The following ECE2 variants were observed in gnomAD, a reference collection of about 807,000 sequenced individuals.
The protein encoded by ECE2 is endothelin-converting enzyme 2.
A neutral mutation model predicts 100.6 loss-of-function variants in ECE2; 81 were observed. The ratio of observed to expected loss-of-function variants is 0.81; its 90% CI spans 0.67 to 0.97. The LOEUF (loss-of-function observed/expected upper bound fraction) is 0.97. Ranked by LOEUF, ECE2 falls within the 50% of genes least tolerant of loss-of-function variation. The probability of loss-of-function intolerance (pLI) is 0.00; values close to 1 mark genes in which losing one functional copy is unlikely to be tolerated. For synonymous variants in ECE2, 391 were observed against 391.5 expected (o/e 1.00, Z 0.02); for missense variants, 911 against 988.1 (o/e 0.92, Z 1.05).
rs1327310686 is a variant in ECE2 at position 184,292,332 on chromosome 3, C to G, written c.*94C>G. 1.4e-6 allele frequency: 2 copies of G among 1,478,452 alleles called. No homozygotes were observed. The highest frequency in any genetic ancestry group is 1.9e-6 in the Non-Finnish European group (2 of 1,079,514). 91.6% of individuals were successfully genotyped at this position (1,478,452 alleles called of 1,614,324 possible). A position where few individuals can be genotyped will look rare whatever the true frequency, so the allele number is the denominator to read the frequency against. ...CTCTTGGGTTGGGAGGAAGCAAATG[C>G]AAGCTGGGCTGGGTCTAGTCCCTCC... On this transcript the variant is annotated 3_prime_UTR_variant, in exon 19 of 19. Transcript: ENST00000404464.
At position 184,289,663 on chromosome 3, in the gene ECE2, T is replaced by C. The variant is rs755844424; in HGVS notation, c.1496T>C (p.Ile499Thr). ...CAGGCAGATGCCATCTATGATATGA[T>C]TGGTTTCCCAGACTTTATCCTGGAG... Reference protein sequence around the residue: ...KEKADAIYDMIGFPDFILEPK... With the variant: ...KEKADAIYDMTGFPDFILEPK... Residue 499 changes from isoleucine to threonine, a missense_variant, in exon 13 of 19, where the codon ATT becomes ACT. Transcript: ENST00000404464. This position sits in a 1 kb window ranked among gnomAD's most constrained non-coding sequence, Gnocchi z 4.1. The C allele has an allele frequency of 6.2e-7, 1 of 1,613,764 alleles. No individual in the cohort carries two copies. The highest frequency in any genetic ancestry group is 2.2e-5 in the East Asian group (1 of 44,884).
Position 184,276,982 on chromosome 3 carries a change from C to T in ECE2, c.217C>T (p.Leu73=), listed in dbSNP as rs1259612421. 6.2e-6 allele frequency: 10 copies of T among 1,614,016 alleles called. No individual in the cohort carries two copies. The highest frequency in any genetic ancestry group is 8.5e-6 in the Non-Finnish European group (10 of 1,180,018). ...LAGASLLLAA[L]LLGCLVALGV... is the part of the protein sequence containing the mutation. Reference sequence around the variant, plus strand: ...AGGTGCCTCTCTACTGCTGGCTGCACTGCTTCTGGGCTGCCTTGTGGCCCT... The same window carrying T: ...AGGTGCCTCTCTACTGCTGGCTGCATTGCTTCTGGGCTGCCTTGTGGCCCT... Residue 73 remains leucine, a synonymous_variant, in exon 3 of 19, where the codon CTG becomes TTG. Transcript: ENST00000404464.
rs779888079 is a variant in ECE2, at chr3:184,278,035, G to A, written c.589G>A (p.Asp197Asn). 1.9e-6 allele frequency: 3 copies of A among 1,614,056 alleles called. No homozygotes were observed. Among genetic ancestry groups the A allele is most frequent in the South Asian group, 1.1e-5 (1 of 91,082 alleles). Residue 197 changes from aspartate to asparagine, a missense_variant, in exon 5 of 19, where the codon GAC becomes AAC. Coordinates refer to ENST00000404464, the MANE Select transcript of ECE2 (RefSeq NM_001100121.2). ...IEELGAQPLRDLIEKIGGWNI... is the reference protein window; with the variant it reads ...IEELGAQPLRNLIEKIGGWNI... ...GGAGCTGGGAGCCCAGCCACTGAGA[G>A]ACCTCATTGAGAAGGTAGGGCCACT... is the stretch of plus-strand genomic sequence containing the variant.
At chr3:184,287,169 G>C (rs933530411) in intron 10 of ECE2, among the ~76,000 whole-genome samples, 1 of 151,892 alleles carries the variant, frequency 6.6e-6, no homozygotes, top group African/African-American at 2.4e-5. Flanking sequence ...TCAGCTACTC[G>C]GGAGGCTGAG....
At position 184,277,264 on chromosome 3, in the gene ECE2, C is replaced by T. The variant is rs142701556; in HGVS notation, c.276C>T (p.Ser92=). The change falls in exon 4 of 19, where the codon AGC becomes AGT. Residue 92 remains serine, a synonymous_variant. Coordinates refer to ENST00000404464, the MANE Select transcript of ECE2 (RefSeq NM_001100121.2). ...TCCCTACCACAGACCCATCCCACAG[C>T]ACCTGCCTTACAGAGGCCTGCATTC... is the stretch of plus-strand genomic sequence containing the variant. The part of the protein sequence containing the change: ...GVQYHRDPSH[S]TCLTEACIRV... 11 of 1,614,164 alleles carry T rather than the reference C, an allele frequency of 6.8e-6. No individual in the cohort carries two copies. The highest frequency in any genetic ancestry group is 9.3e-6 in the Non-Finnish European group (11 of 1,180,060).
At chr3:184,278,611 C>A in intron 7 of ECE2, 54 bp downstream of exon 7, 1 of 1,593,498 alleles carries the variant, frequency 6.3e-7, no homozygotes, top group South Asian at 1.1e-5. Flanking sequence ...CTGGGCTGAT[C>A]CCTGTTGACT....
intron 7 of ECE2, among the ~76,000 whole-genome samples, chr3:184,282,659 G>C (rs1162147427): frequency 6.6e-6 from 1 of 152,188 alleles, no homozygotes; most frequent in Non-Finnish European, 1.5e-5. Context: ...CTGGACCCGA[G>C]CAGGGCCAGG....
Position 184,276,965 on chromosome 3 carries a change from C to G in ECE2, c.200C>G (p.Ser67Cys). 2 of 1,614,176 alleles carry G rather than the reference C, an allele frequency of 1.2e-6. No homozygotes were observed. Among genetic ancestry groups the G allele is most frequent in the South Asian group, 1.1e-5 (1 of 91,084 alleles). The change falls in exon 3 of 19, where the codon TCT (serine) becomes TGT (cysteine). Residue 67 changes from serine to cysteine, a missense_variant. Coordinates refer to ENST00000404464, the MANE Select transcript of ECE2 (RefSeq NM_001100121.2). ...TQLELVLAGA[S>C]LLLAALLLGC... ...CTGGAGCTGGTCTTAGCAGGTGCCT[C>G]TCTACTGCTGGCTGCACTGCTTCTG...
Position 184,290,606 on chromosome 3 carries a change from A to T in ECE2, c.1705A>T (p.Asn569Tyr), listed in dbSNP as rs757291429. The stretch of plus-strand genomic sequence containing the variant: ...GAATGCCTACTACCTTCCAACTAAG[A>T]ATGAGATCGTCTTCCCCGCTGGCAT... ...TVNAYYLPTK[N>Y]EIVFPAGILQ... The change falls in exon 15 of 19, where the codon AAT (asparagine) becomes TAT (tyrosine). Residue 569 changes from asparagine (N) to tyrosine (Y), a missense_variant. Transcript: ENST00000404464. 6.2e-7 allele frequency: 1 copy of T among 1,614,074 alleles called. No individual in the cohort carries two copies. Among genetic ancestry groups the T allele is most frequent in the Non-Finnish European group, 8.5e-7 (1 of 1,180,008 alleles).
At position 184,291,206 on chromosome 3, in the gene ECE2, C is replaced by CG. The variant is rs763657204; in HGVS notation, c.2007dup (p.Leu670AlafsTer74). 6.8e-6 allele frequency: 11 copies of CG among 1,612,624 alleles called. No individual in the cohort carries two copies. Among genetic ancestry groups the CG allele is most frequent in the African/African-American group, 1.3e-5 (1 of 74,910 alleles). ...CGCTGGGGGAGAACATTGCTGACAA[C>CG]GGGGGGCTGAAGGCTGCCTACAATG... is the stretch of plus-strand genomic sequence containing the variant. On this transcript the variant is annotated frameshift_variant, in exon 17 of 19. Coordinates refer to ENST00000404464, the MANE Select transcript of ECE2 (RefSeq NM_001100121.2). LOFTEE classifies it high-confidence loss of function. This position sits in a 1 kb window ranked among gnomAD's most constrained non-coding sequence, Gnocchi z 4.1.
At chr3:184,290,103 T>C in intron 13 of ECE2, 152 bp from the exon 14 acceptor site, 1 of 653,428 alleles carries the variant, frequency 1.5e-6, no homozygotes, top group Non-Finnish European at 2.7e-6. Flanking sequence ...ATAACATAAA[T>C]GGCCTTTAAA....
At chr3:184,284,105 C>A in intron 8 of ECE2, 132 bp downstream of exon 8, 3 of 1,109,520 alleles carry the variant, frequency 2.7e-6, no homozygotes, top group African/African-American at 1.6e-5. Context: ...TGCTCCCCAG[C>A]TGCACTGCTG....
intron 7 of ECE2, among the ~76,000 whole-genome samples, chr3:184,282,748 C>T (rs1451721589): frequency 2.6e-5 from 4 of 152,154 alleles, no homozygotes; most frequent in Admixed American, 6.5e-5. Flanking sequence ...GAAGTCAAGC[C>T]GTGTCATCTT....
intron 6 of ECE2, 56 bp from the exon 7 acceptor site, chr3:184,278,436 T>G (rs1422444268): frequency 3.1e-6 from 5 of 1,601,110 alleles, no homozygotes; most frequent in South Asian, 2.2e-5. Context: ...GCTCGGGAAT[T>G]CAGGTTCCCA....
chr3:184,285,815 G>A (rs1721015003), intron 10 of ECE2, among the ~76,000 whole-genome samples: 1 of 152,174 alleles, frequency 6.6e-6, no homozygotes, highest in African/African-American at 2.4e-5. Flanking sequence ...TTCCTGCTCT[G>A]TAAAGCAGGA....
At position 184,291,408 on chromosome 3, in the gene ECE2, A is replaced by G. The variant is rs1721310654; in HGVS notation, c.2090A>G (p.Asn697Ser). Reference protein sequence around the residue: ...EQQLPAVGLTNHQLFFVGFAQ... With the variant: ...EQQLPAVGLTSHQLFFVGFAQ... ...CAACTGCCAGCCGTGGGGCTCACCA[A>G]CCACCAGCTCTTCTTCGTGGGATTT... Residue 697 changes from asparagine to serine, a missense_variant, in exon 18 of 19, where the codon AAC becomes AGC. Physicochemically the swap from Asn to Ser is conservative, Grantham distance 46 (BLOSUM62 1). Coordinates refer to ENST00000404464, the MANE Select transcript of ECE2 (RefSeq NM_001100121.2). The surrounding 1 kb of genome is among the most constrained non-coding windows in gnomAD (Gnocchi z 4.1). The G allele has an allele frequency of 1.9e-6, 3 of 1,603,802 alleles. No homozygotes were observed. Among genetic ancestry groups the G allele is most frequent in the Non-Finnish European group, 2.6e-6 (3 of 1,174,768 alleles).
At chr3:184,277,627 G>T (rs959166792) in intron 4 of ECE2, among the ~76,000 whole-genome samples, 161 bp downstream of exon 4, 1 of 152,246 alleles carries the variant, frequency 6.6e-6, no homozygotes, top group African/African-American at 2.4e-5. Flanking sequence ...CTATTGAGAA[G>T]TGCAGATGGG....
At position 184,283,771 on chromosome 3, in the gene ECE2, C is replaced by G. The variant is rs1372980925; in HGVS notation, c.817-14C>G. 1.2e-6 allele frequency: 2 copies of G among 1,611,836 alleles called. No individual in the cohort carries two copies. Among genetic ancestry groups the G allele is most frequent in the East Asian group, 4.5e-5 (2 of 44,780 alleles). ...CTTGTTGCTGGGCTCTGAGGATCAC[C>G]CGGGCCTTGACAGGTGCTCACTGCC... On this transcript the variant is annotated splice_polypyrimidine_tract_variant and intron_variant, in intron 7 of 18. Coordinates refer to ENST00000404464, the MANE Select transcript of ECE2 (RefSeq NM_001100121.2).
chr3:184,278,128 G>A (rs1430954908), intron 5 of ECE2, 39 bp from the exon 6 acceptor site: 3 of 1,613,438 alleles, frequency 1.9e-6, no homozygotes, highest in Non-Finnish European at 1.7e-6. Context: ...CGCTTTGGGA[G>A]CTCCTGCACT....
Sources: gnomAD v4.1 joint callset for allele counts (sites outside exome capture counted in the v4.1 genomes callset) on GRCh38, gnomAD v4.1.1 for gene constraint, Gnocchi (gnomAD v3.1) non-coding constraint, MANE v1.5 for transcripts, NCBI Gene and HGNC (gene_info 2026-07-23, HGNC 2026-07-21) for gene names.